Variants in OSBPL1A observed in about 807,000 individuals in gnomAD.
The protein encoded by OSBPL1A is oxysterol binding protein like 1A.
In OSBPL1A, 80 loss-of-function variants were observed where a neutral mutation model predicts 137.1. The observed-to-expected ratio is 0.58, with a 90% CI of 0.49 to 0.70. The LOEUF is 0.70. Among genes scored for constraint, OSBPL1A ranks in the 30% least tolerant of loss-of-function variants. OSBPL1A has a pLI of 0.00. For synonymous variants in OSBPL1A, 365 were observed against 389.7 expected (o/e 0.94, Z 0.75); for missense variants, 970 against 1,129.4 (o/e 0.86, Z 2.02).
intron 15 of OSBPL1A, 33 bp from the exon 16 acceptor site, chr18:24,239,415 A>G: frequency 1.3e-6 from 2 of 1,589,948 alleles, no homozygotes; most frequent in Non-Finnish European, 1.7e-6. Context: ...AAAAGACTTC[A>G]GAGTGACAGG....
At chr18:24,232,510 C>T (rs1599535329) in intron 16 of OSBPL1A, among the ~76,000 whole-genome samples, 1 of 152,186 alleles carries the variant, frequency 6.6e-6, no homozygotes, top group Non-Finnish European at 1.5e-5. Flanking sequence ...AACATCTGCA[C>T]ATGTAATGGA....
At chr18:24,217,506 C>T in intron 17 of OSBPL1A, among the ~76,000 whole-genome samples, 1 of 152,148 alleles carries the variant, frequency 6.6e-6, no homozygotes, top group East Asian at 1.9e-4. Flanking sequence ...ATACACTTGC[C>T]TCTGCCTCCC....
At chr18:24,371,251 A>G (rs1905612447) in intron 2 of OSBPL1A, among the ~76,000 whole-genome samples, 1 of 152,180 alleles carries the variant, frequency 6.6e-6, no homozygotes, top group African/African-American at 2.4e-5. Flanking sequence ...AGCTGAAGGC[A>G]CTTCTATAAG....
chr18:24,363,807 A>AT (rs879586775), intron 4 of OSBPL1A, among the ~76,000 whole-genome samples: 81 of 145,584 alleles, frequency 5.6e-4, no homozygotes, highest in Middle Eastern at 7.1e-3. Flanking sequence ...ACACCAGGCA[A>AT]TTTTTTTTTT....
At chr18:24,214,469 G>T (rs1404740872) in intron 17 of OSBPL1A, among the ~76,000 whole-genome samples, 3 of 152,122 alleles carry the variant, frequency 2.0e-5, no homozygotes, top group Non-Finnish European at 4.4e-5. Context: ...TTTGTTGGTT[G>T]GGGAGGGGAA....
chr18:24,352,154 A>G (rs187678425), intron 4 of OSBPL1A, among the ~76,000 whole-genome samples: 170 of 152,168 alleles, frequency 1.1e-3, no homozygotes, highest in African/African-American at 3.9e-3. Context: ...AAAAGCATAT[A>G]AATTAGGTGG....
At chr18:24,388,768 T>A (rs559753053) in intron 1 of OSBPL1A, among the ~76,000 whole-genome samples, 51 of 134,906 alleles carry the variant, frequency 3.8e-4, no homozygotes, top group African/African-American at 1.5e-3. Flanking sequence ...CCACTGCACT[T>A]CAGTCTGGGC....
chr18:24,385,016 A>G (rs1425015483), intron 1 of OSBPL1A, among the ~76,000 whole-genome samples: 2 of 149,470 alleles, frequency 1.3e-5, no homozygotes, highest in Admixed American at 1.3e-4. Context: ...GTGCAGTGGC[A>G]CAATCTCGAC....
intron 15 of OSBPL1A, among the ~76,000 whole-genome samples, chr18:24,246,325 G>A (rs926501232): frequency 1.3e-5 from 2 of 152,122 alleles, no homozygotes; most frequent in Non-Finnish European, 1.5e-5. Context: ...ACTGAAATGA[G>A]TAAGGGATGT....
At chr18:24,392,698 G>C (rs781732606) in intron 1 of OSBPL1A, among the ~76,000 whole-genome samples, 2 of 152,116 alleles carry the variant, frequency 1.3e-5, no homozygotes, top group Non-Finnish European at 2.9e-5. Context: ...AAAGTAGTTA[G>C]CTGCTTTTTT....
At chr18:24,206,111 G>T (rs967330663) in intron 17 of OSBPL1A, among the ~76,000 whole-genome samples, 9 of 152,164 alleles carry the variant, frequency 5.9e-5, no homozygotes, top group African/African-American at 2.2e-4. Context: ...GGCTGGTCTC[G>T]AACTCCTGAC....
At chr18:24,341,517 G>T in intron 5 of OSBPL1A, 30 bp downstream of exon 5, 1 of 1,515,978 alleles carries the variant, frequency 6.6e-7, no homozygotes, top group Non-Finnish European at 9.1e-7. Context: ...GAAAGTAAAT[G>T]CTGTTTATGT....
At chr18:24,285,038 C>T (rs546988005) in intron 14 of OSBPL1A, among the ~76,000 whole-genome samples, 11 of 152,044 alleles carry the variant, frequency 7.2e-5, no homozygotes, top group Non-Finnish European at 7.4e-5. Flanking sequence ...TCAGCCTGTG[C>T]GACAGAGAAA....
At chr18:24,222,885 C>T (rs2087937003) in intron 17 of OSBPL1A, among the ~76,000 whole-genome samples, 1 of 151,934 alleles carries the variant, frequency 6.6e-6, no homozygotes, top group South Asian at 2.1e-4. Flanking sequence ...CCAGGGGGTA[C>T]TACTGGTGGT....
chr18:24,319,650 G>A (rs2090805019), intron 7 of OSBPL1A, among the ~76,000 whole-genome samples: 1 of 151,992 alleles, frequency 6.6e-6, no homozygotes, highest in Non-Finnish European at 1.5e-5. Context: ...GTTCTGAAGT[G>A]AGCAGGACAT....
At chr18:24,243,532 T>C (rs931161183) in intron 15 of OSBPL1A, among the ~76,000 whole-genome samples, 1 of 152,200 alleles carries the variant, frequency 6.6e-6, no homozygotes, top group Non-Finnish European at 1.5e-5. Flanking sequence ...AGTAGCAAGA[T>C]AAATGATAGA....
chr18:24,233,673 G>A (rs897767632), intron 16 of OSBPL1A, among the ~76,000 whole-genome samples: 2 of 151,908 alleles, frequency 1.3e-5, no homozygotes, highest in African/African-American at 4.8e-5. Flanking sequence ...CTTTCAGACA[G>A]AGTCTCGCTC....
intron 7 of OSBPL1A, chr18:24,321,875 A>C (rs1422705037): frequency 8.1e-5 from 28 of 344,104 alleles, no homozygotes; most frequent in Non-Finnish European, 1.3e-4. Context: ...TGATGGGTAC[A>C]TCAATTAATT....
chr18:24,281,088 T>C (rs889204451), intron 14 of OSBPL1A, 140 bp from the exon 15 acceptor site: 13 of 471,708 alleles, frequency 2.8e-5, no homozygotes, highest in African/African-American at 8.8e-5. Flanking sequence ...GTTTCTTTTC[T>C]TTTTTTTTGT....
Sources: allele counts gnomAD v4.1 joint callset (sites outside exome capture counted in the v4.1 genomes callset), GRCh38; gene constraint gnomAD v4.1.1; transcripts MANE v1.5; gene names NCBI Gene and HGNC (gene_info 2026-07-23, HGNC 2026-07-21).